The following DOCK8 variants were observed in gnomAD, a reference collection of about 807,000 sequenced individuals.
The protein encoded by DOCK8 is dedicator of cytokinesis 8, also known as dedicator of cytokinesis protein 8.
Under a neutral mutation model 245.6 loss-of-function variants are expected in DOCK8, and 141 were observed. The ratio of observed to expected loss-of-function variants is 0.57; its 90% CI spans 0.50 to 0.66. The LOEUF (loss-of-function observed/expected upper bound fraction) is 0.66. Among genes scored for constraint, DOCK8 ranks in the 30% least tolerant of loss-of-function variants. The probability of loss-of-function intolerance (pLI) is 0.00; values close to 1 mark genes in which losing one functional copy is unlikely to be tolerated. For missense variants in DOCK8, 2,965 were observed against 2,603.4 expected (o/e 1.14, Z -3.02); for synonymous variants, 1,168 against 970.2 (o/e 1.20, Z -3.79).
chr9:454,597 C>G (rs1490659798), intron 46 of DOCK8: 1 of 152,062 alleles, frequency 6.6e-6, no homozygotes, highest in Admixed American at 6.6e-5. Flanking sequence ...AGCGTGTTCT[C>G]ATGAGCATGC....
At chr9:267,033 A>T (rs578972) in intron 1 of DOCK8, among the ~76,000 whole-genome samples, 65,494 of 151,962 alleles carry the variant, frequency 0.43, 14,637 homozygotes, top group East Asian at 0.78. Context: ...GTCCCCCTTC[A>T]CTAGGACCAG....
At chr9:458,822 G>A (rs1294936609) in intron 46 of DOCK8, among the ~76,000 whole-genome samples, 4 of 152,136 alleles carry the variant, frequency 2.6e-5, no homozygotes, top group South Asian at 4.2e-4. Context: ...AAAAATAGAG[G>A]GGGTACCAAG....
chr9:365,456 C>T, intron 14 of DOCK8: 1 of 397,350 alleles, frequency 2.5e-6, no homozygotes. Flanking sequence ...TGATAAGGTA[C>T]AGAAGTAAGT....
At chr9:219,455 G>C (rs533186691) in intron 1 of DOCK8, among the ~76,000 whole-genome samples, 31 of 152,194 alleles carry the variant, frequency 2.0e-4, no homozygotes, top group African/African-American at 7.5e-4. Flanking sequence ...GGGCGACAGA[G>C]TGACACTCTG....
intron 14 of DOCK8, among the ~76,000 whole-genome samples, chr9:359,803 CAAAAAA>C (rs67236172): frequency 0.015 from 1,671 of 108,552 alleles, 31 homozygotes; most frequent in African/African-American, 0.048. Context: ...TCTGTCTTTG[CAAAAAA>C]AAAAAAAAAA....
At chr9:388,916 G>A (rs2054069172) in intron 23 of DOCK8, among the ~76,000 whole-genome samples, 1 of 151,872 alleles carries the variant, frequency 6.6e-6, no homozygotes. Context: ...TTTGCTTTAG[G>A]TGTTGACTTT....
At chr9:260,353 C>G (rs2047888971) in intron 1 of DOCK8, among the ~76,000 whole-genome samples, 1 of 152,132 alleles carries the variant, frequency 6.6e-6, no homozygotes. Context: ...AAGAAAAGAG[C>G]CCCTCAATGC....
intron 1 of DOCK8, among the ~76,000 whole-genome samples, chr9:252,574 G>A (rs372380794): frequency 1.6e-3 from 242 of 151,940 alleles, no homozygotes; most frequent in African/African-American, 5.7e-3. Flanking sequence ...AGGCCGAGGC[G>A]GGCAGATCAC....
At chr9:412,667 G>A (rs1017296201) in intron 28 of DOCK8, among the ~76,000 whole-genome samples, 9 of 151,762 alleles carry the variant, frequency 5.9e-5, no homozygotes, top group African/African-American at 2.2e-4. Flanking sequence ...ATATAAAATA[G>A]CATCACAAAG....
intron 14 of DOCK8, among the ~76,000 whole-genome samples, chr9:360,514 C>G (rs1048365988): frequency 6.6e-6 from 1 of 152,056 alleles, no homozygotes; most frequent in African/African-American, 2.4e-5. Context: ...TAACAGTCTG[C>G]AAAGTAGCAG....
intron 7 of DOCK8, among the ~76,000 whole-genome samples, chr9:323,438 G>C (rs2050613663): frequency 6.6e-6 from 1 of 151,908 alleles, no homozygotes; most frequent in Non-Finnish European, 1.5e-5. Flanking sequence ...GGCCAGGCTG[G>C]TCTTGAACTC....
In DOCK8 at chr9:214,999, A is replaced by T; in HGVS notation, c.23A>T (p.Glu8Val). 1 of 1,596,544 alleles carries T rather than the reference A, an allele frequency of 6.3e-7. No individual in the cohort carries two copies. The highest frequency in any genetic ancestry group is 8.5e-7 in the Non-Finnish European group (1 of 1,175,664). ...GCCATGGCCACTCTGCCGAGCGCAGAGCGCCGCGCGTTCGCGCTCAAGATC... is the reference window on the plus strand; with the variant it reads ...GCCATGGCCACTCTGCCGAGCGCAGTGCGCCGCGCGTTCGCGCTCAAGATC... MATLPSA[E>V]RRAFALKINR... The change falls in exon 1 of 48, where the codon GAG (glutamate) becomes GTG (valine). Residue 8 changes from glutamate to valine, a missense_variant. Glu to Val is a moderately radical substitution (Grantham distance 121). Around this residue, in one of 3 missense-constraint regions of DOCK8, gnomAD observed 2,825 missense variants for 2,453.5 expected, o/e 1.15. Coordinates refer to ENST00000432829, the MANE Select transcript of DOCK8 (RefSeq NM_203447.4).
chr9:386,333 C>G lies in DOCK8; in HGVS notation c.2781C>G (p.Ile927Met), dbSNP rs371502513. The change falls in exon 23 of 48, where the codon ATC becomes ATG. Residue 927 changes from isoleucine (I) to methionine (M), a missense_variant and splice_region_variant. Ile to Met is a conservative substitution (Grantham distance 10, BLOSUM62 1). Around this residue, in one of 3 missense-constraint regions of DOCK8, gnomAD observed 2,825 missense variants for 2,453.5 expected, o/e 1.15. Coordinates refer to ENST00000432829, the MANE Select transcript of DOCK8 (RefSeq NM_203447.4). Reference sequence around the variant, plus strand: ...AAGCCATGGTTTGTGTATTTTAGATCGCCGATCGCAACTGCAGCCGAATGT... The same window carrying G: ...AAGCCATGGTTTGTGTATTTTAGATGGCCGATCGCAACTGCAGCCGAATGT... ...EEVKNIMSSK[I>M]ADRNCSRMSY... is the part of the protein sequence containing the mutation. The G allele has an allele frequency of 8.7e-6, 14 of 1,613,278 alleles. No homozygotes were observed. Among genetic ancestry groups the G allele is most frequent in the African/African-American group, 1.3e-5 (1 of 74,994 alleles).
chr9:214,705 C>G, upstream of DOCK8: 2 of 1,559,274 alleles, frequency 1.3e-6, no homozygotes, highest in Non-Finnish European at 1.7e-6. Flanking sequence ...GCCCCAGTAT[C>G]GGGAGGCCAG....
At chr9:400,799 A>T (rs865775516) in intron 26 of DOCK8, among the ~76,000 whole-genome samples, 26 of 62,538 alleles carry the variant, frequency 4.2e-4, no homozygotes, top group Non-Finnish European at 5.9e-4. Flanking sequence ...CATCACCACC[A>T]CCTCCACCAT....
In DOCK8 at chr9:451,971, ATATATATTTTTTTTTT is replaced by A. The variant is rs748532053; in HGVS notation, c.5962-38_5962-23del. ...TGTGTGTGTGTATATATATATATAT[ATATATATTTTTTTTTT>A]TTTTTTTTTTTTTTTCCCACCAGGG... is the stretch of plus-strand genomic sequence containing the variant. On this transcript the variant is annotated intron_variant, in intron 45 of 47. Coordinates refer to ENST00000432829, the MANE Select transcript of DOCK8 (RefSeq NM_203447.4). 253 of 401,070 alleles carry A rather than the reference ATATATATTTTTTTTTT, an allele frequency of 6.3e-4. 2 individuals carry two copies. The highest frequency in any genetic ancestry group is 3.4e-3 in the South Asian group (118 of 35,184). The allele number at this position is 401,070 out of a possible 1,614,324, so 24.8% of individuals were successfully genotyped here. A position where few individuals can be genotyped will look rare whatever the true frequency, so the allele number is the denominator to read the frequency against.
At chr9:224,716 C>G (rs189526787) in intron 1 of DOCK8, among the ~76,000 whole-genome samples, 2 of 152,258 alleles carry the variant, frequency 1.3e-5, no homozygotes, top group African/African-American at 2.4e-5. Context: ...GGAAATTACA[C>G]TTGGGGTCTG....
intron 1 of DOCK8, among the ~76,000 whole-genome samples, chr9:256,617 G>A (rs935810464): frequency 6.6e-5 from 10 of 152,136 alleles, no homozygotes; most frequent in African/African-American, 2.4e-4. Flanking sequence ...ACTTTTCCTT[G>A]TGAAGAATTT....
intron 1 of DOCK8, among the ~76,000 whole-genome samples, chr9:250,917 T>C (rs1278703172): frequency 6.6e-6 from 1 of 152,100 alleles, no homozygotes; most frequent in Non-Finnish European, 1.5e-5. Flanking sequence ...TGAGAGGGAC[T>C]GAAGGAAGTA....
Sources: gnomAD v4.1 joint callset for allele counts (sites outside exome capture counted in the v4.1 genomes callset) on GRCh38, gnomAD v4.1.1 for gene constraint, gnomAD v4.1.1 regional missense constraint, MANE v1.5 for transcripts, NCBI Gene and HGNC (gene_info 2026-07-23, HGNC 2026-07-21) for gene names.